DOCK4: variants seen among roughly 807,000 people sequenced by gnomAD.
The protein encoded by DOCK4 is dedicator of cytokinesis protein 4.
A neutral mutation model predicts 268.1 loss-of-function variants in DOCK4; 97 were observed. The ratio of observed to expected loss-of-function variants is 0.36; its 90% CI spans 0.31 to 0.43. The LOEUF is 0.43. DOCK4 is among the 20% of genes least tolerant of loss of function. The pLI is 1.00. For missense variants in DOCK4, 2,145 were observed against 2,455.7 expected (o/e 0.87, Z 2.67); for synonymous variants, 954 against 887.2 (o/e 1.08, Z -1.34).
intron 8 of DOCK4, among the ~76,000 whole-genome samples, chr7:111,960,523 CTTTT>C (rs753880464): frequency 1.8e-4 from 14 of 78,514 alleles, no homozygotes; most frequent in African/African-American, 3.7e-4. Flanking sequence ...ACCTCATGTG[CTTTT>C]TTTTTTTTTT....
chr7:111,750,757 A>G (rs528166957), intron 42 of DOCK4, among the ~76,000 whole-genome samples: 72 of 152,288 alleles, frequency 4.7e-4, no homozygotes, highest in Middle Eastern at 3.4e-3. Context: ...CACTACTTGG[A>G]TACTGTGAAA....
At chr7:111,755,651 C>G in intron 41 of DOCK4, 50 bp from the exon 42 acceptor site, 1 of 1,547,792 alleles carries the variant, frequency 6.5e-7, no homozygotes, top group East Asian at 2.2e-5. Context: ...TTCTTTCTAG[C>G]TACTTCCATG....
At chr7:111,840,523 C>CT (rs1803596834) in intron 25 of DOCK4, among the ~76,000 whole-genome samples, 1 of 151,562 alleles carries the variant, frequency 6.6e-6, no homozygotes, top group African/African-American at 2.4e-5. Context: ...CACAATGGTG[C>CT]TTTTTTGTTT....
At chr7:111,933,487 G>A (rs1794442105) in intron 12 of DOCK4, among the ~76,000 whole-genome samples, 1 of 151,246 alleles carries the variant, frequency 6.6e-6, no homozygotes, top group Non-Finnish European at 1.5e-5. Context: ...GTAGAGACGG[G>A]TGTTTCACCA....
chr7:112,061,180 T>C (rs1165255621), intron 1 of DOCK4, among the ~76,000 whole-genome samples: 1 of 152,176 alleles, frequency 6.6e-6, no homozygotes, highest in African/African-American at 2.4e-5. Flanking sequence ...ACCACAGATG[T>C]GTAAATCAGC....
intron 8 of DOCK4, among the ~76,000 whole-genome samples, chr7:111,949,600 T>C (rs975518529): frequency 1.3e-5 from 2 of 151,704 alleles, no homozygotes; most frequent in Admixed American, 1.3e-4. Flanking sequence ...AAATAAGTCA[T>C]GTACAGTTCT....
chr7:111,868,089 CCCACCAG>C lies in DOCK4; in HGVS notation c.2168_2174del (p.Thr723SerfsTer40). 6.2e-7 allele frequency: 1 copy of C among 1,613,370 alleles called. No individual in the cohort carries two copies. The highest frequency in any genetic ancestry group is 8.5e-7 in the Non-Finnish European group (1 of 1,179,606). On this transcript the variant is annotated frameshift_variant, in exon 22 of 53. Transcript: ENST00000428084. LOFTEE classifies it high-confidence loss of function. Reference sequence around the variant, plus strand: ...AGCAGCGGAACTCCTCTTCGTTTTGCCCACCAGTGGCAAGGGAAAACAGCCTTCGAGA... The same window carrying C: ...AGCAGCGGAACTCCTCTTCGTTTTGCTGGCAAGGGAAAACAGCCTTCGAGA...
At chr7:112,091,708 T>C (rs1408774133) in intron 1 of DOCK4, among the ~76,000 whole-genome samples, 4 of 152,148 alleles carry the variant, frequency 2.6e-5, no homozygotes, top group Non-Finnish European at 5.9e-5. Context: ...TTCTCAGATT[T>C]TTCCTCACCT....
intron 1 of DOCK4, among the ~76,000 whole-genome samples, chr7:112,082,584 G>A (rs545138721): frequency 3.3e-5 from 5 of 152,226 alleles, no homozygotes; most frequent in East Asian, 3.9e-4. Flanking sequence ...GTAAGAAACC[G>A]GAAAAGCCTA....
intron 13 of DOCK4, 50 bp downstream of exon 13, chr7:111,915,729 C>G (rs372027251): frequency 1.3e-6 from 2 of 1,583,640 alleles, no homozygotes; most frequent in East Asian, 2.3e-5. Flanking sequence ...ACATCAAAAA[C>G]AGATAGTATA....
intron 40 of DOCK4, 123 bp from the exon 41 acceptor site, chr7:111,758,913 T>C (rs1043355522): frequency 1.9e-5 from 17 of 918,684 alleles, no homozygotes; most frequent in Admixed American, 2.9e-5. Flanking sequence ...TCAGTTGAAG[T>C]CATTAAAAAA....
intron 42 of DOCK4, among the ~76,000 whole-genome samples, chr7:111,754,313 T>C (rs1033853027): frequency 1.3e-5 from 2 of 152,166 alleles, no homozygotes; most frequent in Admixed American, 1.3e-4. Context: ...TTTAAATCCT[T>C]AGCTTAATTG....
intron 1 of DOCK4, among the ~76,000 whole-genome samples, chr7:112,006,155 C>A: frequency 6.6e-6 from 1 of 152,152 alleles, no homozygotes; most frequent in East Asian, 1.9e-4. Context: ...GAACCCCAAT[C>A]TCATCACTTA....
chr7:112,111,757 G>A (rs557792745), intron 1 of DOCK4, among the ~76,000 whole-genome samples: 6 of 152,318 alleles, frequency 3.9e-5, no homozygotes, highest in Admixed American at 1.3e-4. Flanking sequence ...AGTAGGACCT[G>A]CCGGCCTAAC....
chr7:111,988,695 C>G (rs1178478317), intron 6 of DOCK4, among the ~76,000 whole-genome samples: 1 of 152,128 alleles, frequency 6.6e-6, no homozygotes, highest in African/African-American at 2.4e-5. Context: ...AAACCTAAAG[C>G]CTATTTGAGA....
chr7:112,031,505 C>A (rs568778474), intron 1 of DOCK4, among the ~76,000 whole-genome samples: 102 of 152,130 alleles, frequency 6.7e-4, no homozygotes, highest in Non-Finnish European at 1.2e-3. Context: ...CATCTTCCTA[C>A]AAACTTCTCA....
intron 47 of DOCK4, chr7:111,740,249 G>GTA: frequency 1.4e-5 from 4 of 286,006 alleles, no homozygotes; most frequent in Non-Finnish European, 2.8e-5. Context: ...ACAGGCATGC[G>GTA]CCACCATGCC....
At chr7:111,758,815 A>G (rs1563462957) in intron 40 of DOCK4, 25 bp from the exon 41 acceptor site, 9 of 1,611,548 alleles carry the variant, frequency 5.6e-6, no homozygotes, top group Non-Finnish European at 6.8e-6. Context: ...TCAAGGAGAG[A>G]ACCTGACTTG....
At chr7:112,103,414 T>C (rs951189872) in intron 1 of DOCK4, among the ~76,000 whole-genome samples, 22 of 152,182 alleles carry the variant, frequency 1.4e-4, no homozygotes, top group Non-Finnish European at 1.5e-5. Context: ...CCCAACCCCA[T>C]GTTCCTGAGA....
Sources: allele counts gnomAD v4.1 joint callset (sites outside exome capture counted in the v4.1 genomes callset), GRCh38; gene constraint gnomAD v4.1.1; transcripts MANE v1.5; gene names NCBI Gene and HGNC (gene_info 2026-07-23, HGNC 2026-07-21).